The following TSC2 variants were observed in gnomAD, a reference collection of about 807,000 sequenced individuals.
TSC2 encodes TSC complex subunit 2.
A neutral mutation model predicts 202.2 loss-of-function variants in TSC2; 29 were observed. The ratio of observed to expected loss-of-function variants is 0.14; its 90% CI spans 0.11 to 0.20. TSC2 has a LOEUF of 0.20. Ranked by LOEUF, TSC2 falls within the 10% of genes least tolerant of loss-of-function variation. The pLI is 1.00. For synonymous variants in TSC2, 1,349 were observed against 1,044.0 expected (o/e 1.29, Z -5.63); for missense variants, 2,429 against 2,420.0 (o/e 1.00, Z -0.08).
chr16:2,055,568 T>G, intron 6 of TSC2, 49 bp downstream of exon 6: 2 of 1,553,368 alleles, frequency 1.3e-6, no homozygotes, highest in Non-Finnish European at 1.8e-6. Flanking sequence ...TAAGTTCAGC[T>G]CCGCAGTGAA....
At position 2,083,726 on chromosome 16, in the gene TSC2, G is replaced by C. The variant is rs11551373; in HGVS notation, c.3915G>C (p.Pro1305=). The C allele has an allele frequency of 1.3e-6, 2 of 1,598,596 alleles. No individual in the cohort carries two copies. Among genetic ancestry groups the C allele is most frequent in the Non-Finnish European group, 1.7e-6 (2 of 1,173,880 alleles). The part of the protein sequence containing the change: ...DSAVVMEEGS[P]GEVPVLVEPP... ...CCGTGGTCATGGAGGAGGGAAGTCC[G>C]GGCGAGGTTCCTGTGCTGGTGGAGC... Residue 1305 remains proline, a synonymous_variant, in exon 33 of 42, where the codon CCG becomes CCC. Coordinates refer to ENST00000219476, the MANE Select transcript of TSC2 (RefSeq NM_000548.5).
intron 4 of TSC2, chr16:2,053,735 G>T: frequency 1.7e-6 from 1 of 593,948 alleles, no homozygotes; most frequent in Non-Finnish European, 3.2e-6. Flanking sequence ...TGCTGAGATC[G>T]TACCTGGCAG....
rs140027616 is a variant in TSC2, at chr16:2,079,473, G to A, written c.3284+45G>A. The A allele has an allele frequency of 5.2e-4, 840 of 1,600,816 alleles. 1 individual carries two copies. Among genetic ancestry groups the A allele is most frequent in the Non-Finnish European group, 5.9e-4 (694 of 1,173,052 alleles). On this transcript the variant is annotated intron_variant, in intron 28 of 41. Transcript: ENST00000219476. This position sits in a 1 kb window ranked among gnomAD's most constrained non-coding sequence, Gnocchi z 4.6. ...CTCCGCGCCTGCCAGCCTCGACACCGGCTGTCCCGAGCCCAGGCCCACGTG... is the reference window on the plus strand; with the variant it reads ...CTCCGCGCCTGCCAGCCTCGACACCAGCTGTCCCGAGCCCAGGCCCACGTG...
chr16:2,071,963 TC>T, intron 19 of TSC2, 29 bp downstream of exon 19: 1 of 1,551,816 alleles, frequency 6.4e-7, no homozygotes, highest in Non-Finnish European at 8.7e-7. Flanking sequence ...GGACCATCCG[TC>T]CCACGTTGGG....
rs143516116 is a variant in TSC2 at position 2,062,756 on chromosome 16, T to C, written c.1361+156T>C. On this transcript the variant is annotated intron_variant, in intron 13 of 41. Coordinates refer to ENST00000219476, the MANE Select transcript of TSC2 (RefSeq NM_000548.5). ...CTGGGTGAGCAGGTGCTAGCTTGCT[T>C]TCCAGTCCAGCAGGACAGGTCCTCT... 2.6e-3 allele frequency: 2,477 copies of C among 962,436 alleles called. 4 individuals carry two copies. Among genetic ancestry groups the C allele is most frequent in the Admixed American group, 3.2e-3 (157 of 48,824 alleles). 59.6% of individuals were successfully genotyped at this position (962,436 alleles called of 1,614,324 possible).
intron 9 of TSC2, among the ~76,000 whole-genome samples, chr16:2,058,366 C>T (rs186503892): frequency 5.0e-4 from 76 of 152,368 alleles, no homozygotes; most frequent in Admixed American, 2.2e-3. Context: ...CCCCACCTCC[C>T]TGAGTAGTTT....
At chr16:2,062,345 G>T in intron 12 of TSC2, 152 bp from the exon 13 acceptor site, 1 of 758,164 alleles carries the variant, frequency 1.3e-6, no homozygotes, top group Non-Finnish European at 2.2e-6. Context: ...AGTCTTCCCC[G>T]CTGCCAGGAG....
intron 15 of TSC2, chr16:2,065,317 G>A (rs532345304): frequency 6.5e-5 from 38 of 583,558 alleles, no homozygotes; most frequent in Non-Finnish European, 1.1e-4. Context: ...GGAGGCTGAG[G>A]CAGGAGAATG....
rs1462426616 is a variant in TSC2 at position 2,048,260 on chromosome 16, C to T, written c.-30+195C>T. ...TGCTGCAGGCGGCTCCGTGACAGCT[C>T]CTGCTTCACATGGGTAGAGGAGAGA... On this transcript the variant is annotated intron_variant, in intron 1 of 41. Transcript: ENST00000219476. The T allele has an allele frequency of 7.0e-6, 9 of 1,285,960 alleles. No individual in the cohort carries two copies. In the Admixed American group the frequency reaches 9.9e-5, roughly 14 times the overall value. 79.7% of individuals were successfully genotyped at this position (1,285,960 alleles called of 1,614,324 possible). A position where few individuals can be genotyped will look rare whatever the true frequency, so the allele number is the denominator to read the frequency against.
intron 8 of TSC2, 46 bp downstream of exon 8, chr16:2,056,815 A>G (rs1475308848): frequency 6.2e-7 from 1 of 1,601,472 alleles, no homozygotes. Context: ...GAGCACATGG[A>G]TGGGACAAGG....
intron 31 of TSC2, 24 bp from the exon 32 acceptor site, chr16:2,082,412 G>A: frequency 6.2e-7 from 1 of 1,612,126 alleles, no homozygotes; most frequent in Non-Finnish European, 8.5e-7. Flanking sequence ...TGCTGACGTG[G>A]CCGCACACGG....
At chr16:2,065,690 C>A in intron 16 of TSC2, 55 bp downstream of exon 16, 1 of 1,459,786 alleles carries the variant, frequency 6.9e-7, no homozygotes, top group Non-Finnish European at 9.6e-7. Context: ...TAGCGTCCAC[C>A]AGCTGCATCT....
At position 2,072,911 on chromosome 16, in the gene TSC2, C is replaced by T. The variant is rs2088693660; in HGVS notation, c.2283C>T (p.Asp761=). The T allele has an allele frequency of 6.2e-7, 1 of 1,613,712 alleles. No homozygotes were observed. Residue 761 remains aspartate (D), a synonymous_variant, in exon 21 of 42, where the codon GAC becomes GAT. Coordinates refer to ENST00000219476, the MANE Select transcript of TSC2 (RefSeq NM_000548.5). The part of the protein sequence containing the change: ...RGAPEGFSRT[D]LHLAVVPVLT... ...CCCCAGAAGGCTTCTCCAGAACTGA[C>T]TTGCACCTGGCCGTGGTTCCAGTGC... is the stretch of plus-strand genomic sequence containing the variant.
intron 6 of TSC2, chr16:2,055,890 C>CG (rs2085744689): frequency 4.5e-6 from 1 of 222,554 alleles, no homozygotes; most frequent in East Asian, 1.2e-4. Context: ...AACTCCATCT[C>CG]AAAAAAAAAA....
rs767996683 is a variant in TSC2 at position 2,084,572 on chromosome 16, C to T, written c.4350C>T (p.Pro1450=). ...AGGGTCCCTTGCCTTCCAGCTCCCC[C>T]CGCTCGCCCAGTGGCCTCCGGCCCC... ...QPEGPLPSSS[P]RSPSGLRPRG... Residue 1450 remains proline (P), a synonymous_variant, in exon 34 of 42, where the codon CCC becomes CCT. Transcript: ENST00000219476. 8 of 1,607,654 alleles carry T rather than the reference C, an allele frequency of 5.0e-6. No homozygotes were observed. Among genetic ancestry groups the T allele is most frequent in the African/African-American group, 4.0e-5 (3 of 75,062 alleles).
In TSC2 at chr16:2,084,428, G is replaced by A. The variant is rs2090505727; in HGVS notation, c.4206G>A (p.Gly1402=). ...TGCAGGACATCCTCGGGGACCCTGG[G>A]GACAAGGCCGACGTGGGCCGGCTGA... ...QTLQDILGDP[G]DKADVGRLSP... The change falls in exon 34 of 42, where the codon GGG becomes GGA. Residue 1402 remains glycine (G), a synonymous_variant. Coordinates refer to ENST00000219476, the MANE Select transcript of TSC2 (RefSeq NM_000548.5). 1 of 1,610,728 alleles carries A rather than the reference G, an allele frequency of 6.2e-7. No homozygotes were observed. Among genetic ancestry groups the A allele is most frequent in the Non-Finnish European group, 8.5e-7 (1 of 1,179,208 alleles).
At chr16:2,058,627 C>A in intron 9 of TSC2, 120 bp from the exon 10 acceptor site, 2 of 1,426,206 alleles carry the variant, frequency 1.4e-6, no homozygotes, top group Non-Finnish European at 1.9e-6. Flanking sequence ...GGTGCTCCTG[C>A]CCCCCCCAAG....
rs1060504081 is a variant in TSC2, at chr16:2,084,356, C to T, written c.4134C>T (p.Pro1378=). ...CCTCTGTGGACCTCTCCTTCCAGCC[C>T]TCGCAGCCCCTGAGCAAGTCCAGCT... The part of the protein sequence containing the change: ...GRPSVDLSFQ[P]SQPLSKSSSS... The change falls in exon 34 of 42, where the codon CCC becomes CCT. Residue 1378 remains proline (P), a synonymous_variant. Transcript: ENST00000219476. The T allele has an allele frequency of 6.2e-7, 1 of 1,612,670 alleles. No individual in the cohort carries two copies. Among genetic ancestry groups the T allele is most frequent in the Non-Finnish European group, 8.5e-7 (1 of 1,179,966 alleles).
rs777669350 is a variant in TSC2, at chr16:2,084,589, T to C, written c.4367T>C (p.Leu1456Pro). The change falls in exon 34 of 42, where the codon CTC (leucine) becomes CCC (proline). Residue 1456 changes from leucine (L) to proline (P), a missense_variant. By Grantham distance (98) the Leu-to-Pro change is moderately conservative (BLOSUM62 -3). Coordinates refer to ENST00000219476, the MANE Select transcript of TSC2 (RefSeq NM_000548.5). ...AGCTCCCCCCGCTCGCCCAGTGGCCTCCGGCCCCGAGGTTACACCATCTCC... is the reference window on the plus strand; with the variant it reads ...AGCTCCCCCCGCTCGCCCAGTGGCCCCCGGCCCCGAGGTTACACCATCTCC... ...PSSSPRSPSG[L>P]RPRGYTISDS... 1 of 1,605,280 alleles carries C rather than the reference T, an allele frequency of 6.2e-7. No homozygotes were observed. Among genetic ancestry groups the C allele is most frequent in the Non-Finnish European group, 8.5e-7 (1 of 1,179,688 alleles).
Sources: gnomAD v4.1 joint callset for allele counts (sites outside exome capture counted in the v4.1 genomes callset) on GRCh38, gnomAD v4.1.1 for gene constraint, Gnocchi (gnomAD v3.1) non-coding constraint, MANE v1.5 for transcripts, NCBI Gene and HGNC (gene_info 2026-07-23, HGNC 2026-07-21) for gene names.